Variants in TNIK observed in about 807,000 individuals in gnomAD.
The protein encoded by TNIK is TRAF2 and NCK interacting kinase.
In TNIK, 49 loss-of-function variants were observed where a neutral mutation model predicts 191.3. The ratio of observed to expected loss-of-function variants is 0.26; its 90% CI spans 0.20 to 0.32. TNIK has a LOEUF of 0.32. Ranked by LOEUF, TNIK falls within the 10% of genes least tolerant of loss-of-function variation. The probability of loss-of-function intolerance (pLI) is 1.00; values close to 1 mark genes in which losing one functional copy is unlikely to be tolerated. For missense variants in TNIK, 1,155 were observed against 1,702.3 expected (o/e 0.68, Z 5.66); for synonymous variants, 594 against 600.9 (o/e 0.99, Z 0.17).
intron 2 of TNIK, among the ~76,000 whole-genome samples, chr3:171,337,606 A>G (rs570547449): frequency 6.6e-6 from 1 of 152,350 alleles, no homozygotes; most frequent in Admixed American, 6.5e-5. Context: ...TTCCTTATCC[A>G]TAACGATAGA....
intron 1 of TNIK, among the ~76,000 whole-genome samples, chr3:171,393,262 G>A (rs866943720): frequency 2.6e-5 from 4 of 152,168 alleles, no homozygotes; most frequent in South Asian, 2.1e-4. Context: ...ACAATCTCGC[G>A]GTCAGTGCAG....
At chr3:171,227,946 T>G (rs1198563644) in intron 3 of TNIK, among the ~76,000 whole-genome samples, 1 of 152,198 alleles carries the variant, frequency 6.6e-6, no homozygotes, top group African/African-American at 2.4e-5. Context: ...AAATAGGCTT[T>G]GTGATAAATG....
chr3:171,106,506 A>ACT (rs1374300720), intron 21 of TNIK, among the ~76,000 whole-genome samples: 1 of 152,100 alleles, frequency 6.6e-6, no homozygotes, highest in Non-Finnish European at 1.5e-5. Flanking sequence ...TGCATTTAGG[A>ACT]CTCTTTGCAA....
chr3:171,138,297 A>G lies in TNIK; in HGVS notation c.1502T>C (p.Val501Ala), dbSNP rs1209888507. 1 of 1,613,372 alleles carries G rather than the reference A, an allele frequency of 6.2e-7. No individual in the cohort carries two copies. The highest frequency in any genetic ancestry group is 1.1e-5 in the South Asian group (1 of 90,986). Residue 501 changes from valine (V) to alanine (A), a missense_variant, in exon 15 of 33, where the codon GTT becomes GCT. Around this residue, in one of 3 missense-constraint regions of TNIK, gnomAD observed 735 missense variants for 848.0 expected, o/e 0.87. Coordinates refer to ENST00000436636, the MANE Select transcript of TNIK (RefSeq NM_015028.4). The part of the protein sequence containing the change: ...RQLKQERDYL[V>A]SLQHQRQEQR... ...CTCCTGCCGCTGATGCTGAAGGGAAACTAAGTAGTCTCTTTCTTGCTTTAG... is the reference window on the plus strand; with the variant it reads ...CTCCTGCCGCTGATGCTGAAGGGAAGCTAAGTAGTCTCTTTCTTGCTTTAG...
intron 2 of TNIK, among the ~76,000 whole-genome samples, chr3:171,368,658 T>C (rs1327359653): frequency 6.6e-6 from 1 of 152,178 alleles, no homozygotes; most frequent in Non-Finnish European, 1.5e-5. Flanking sequence ...AATAATACTT[T>C]TGACATTCTG....
At chr3:171,150,717 G>A (rs1348062464) in intron 12 of TNIK, among the ~76,000 whole-genome samples, 6 of 152,150 alleles carry the variant, frequency 3.9e-5, no homozygotes, top group Admixed American at 6.5e-5. Context: ...CAAGAAATCC[G>A]CAAAAGGACA....
At chr3:171,431,388 CT>C (rs1163144954) in intron 1 of TNIK, among the ~76,000 whole-genome samples, 1 of 151,958 alleles carries the variant, frequency 6.6e-6, no homozygotes, top group Non-Finnish European at 1.5e-5. Context: ...CAAGTACATT[CT>C]TTTTAATATA....
chr3:171,262,044 C>T (rs1186803966), intron 2 of TNIK, among the ~76,000 whole-genome samples: 1 of 152,126 alleles, frequency 6.6e-6, no homozygotes, highest in Non-Finnish European at 1.5e-5. Context: ...TGGTTAGCCA[C>T]TCTGGGGGTC....
At chr3:171,288,337 A>G (rs953319924) in intron 2 of TNIK, among the ~76,000 whole-genome samples, 10 of 138,708 alleles carry the variant, frequency 7.2e-5, no homozygotes, top group African/African-American at 2.7e-4. Context: ...AAAAAAAAAG[A>G]AAATATTTGG....
chr3:171,076,918 CTCTT>C (rs1192388878), intron 28 of TNIK, among the ~76,000 whole-genome samples: 1 of 151,530 alleles, frequency 6.6e-6, no homozygotes, highest in African/African-American at 2.4e-5. Context: ...CTAGCTTCTT[CTCTT>C]TCTTATGCAT....
At chr3:171,178,002 T>C (rs1250197551) in intron 7 of TNIK, among the ~76,000 whole-genome samples, 2 of 152,248 alleles carry the variant, frequency 1.3e-5, no homozygotes, top group Non-Finnish European at 2.9e-5. Flanking sequence ...GAATAGTGTT[T>C]CTGAAGTCCA....
intron 12 of TNIK, among the ~76,000 whole-genome samples, chr3:171,143,461 C>CGG (rs1272256406): frequency 1.3e-5 from 2 of 152,184 alleles, no homozygotes; most frequent in Non-Finnish European, 2.9e-5. Context: ...ACCCCTCAGA[C>CGG]GGGGGCCTGG....
intron 2 of TNIK, among the ~76,000 whole-genome samples, chr3:171,229,683 C>CT (rs1305523679): frequency 1.3e-5 from 2 of 152,174 alleles, no homozygotes; most frequent in East Asian, 3.8e-4. Context: ...TGTCCTCTTT[C>CT]TTCTCACATA....
intron 11 of TNIK, among the ~76,000 whole-genome samples, chr3:171,161,033 C>T (rs750981523): frequency 7.9e-5 from 12 of 152,274 alleles, no homozygotes; most frequent in East Asian, 5.8e-4. Context: ...CAAGCTCTTA[C>T]GATAGAGACC....
At chr3:171,243,552 G>A (rs755487413) in intron 2 of TNIK, among the ~76,000 whole-genome samples, 2 of 151,996 alleles carry the variant, frequency 1.3e-5, no homozygotes, top group Non-Finnish European at 2.9e-5. Context: ...TGGTAGCCCT[G>A]TTAATTAAAA....
chr3:171,357,780 G>A (rs535807624), intron 2 of TNIK, among the ~76,000 whole-genome samples: 2 of 152,172 alleles, frequency 1.3e-5, no homozygotes, highest in Non-Finnish European at 2.9e-5. Flanking sequence ...TAGCCAACAG[G>A]GGGTGAGGAA....
chr3:171,138,073 T>A, intron 15 of TNIK, 118 bp downstream of exon 15: 1 of 934,944 alleles, frequency 1.1e-6, no homozygotes, highest in South Asian at 3.9e-5. Flanking sequence ...AAAGCATGTG[T>A]CTTATGATGA....
At chr3:171,126,267 TAG>T (rs370845595) in intron 16 of TNIK, 116 bp from the exon 17 acceptor site, 2 of 1,313,752 alleles carry the variant, frequency 1.5e-6, no homozygotes, top group Non-Finnish European at 2.0e-6. Flanking sequence ...AATTGGACTA[TAG>T]AGAGTCTATC....
At chr3:171,195,939 C>T (rs1333890171) in intron 4 of TNIK, among the ~76,000 whole-genome samples, 1 of 152,192 alleles carries the variant, frequency 6.6e-6, no homozygotes. Context: ...TTTCAAGAGA[C>T]TCCCAGTGGT....
Sources: gnomAD v4.1 joint callset for allele counts (sites outside exome capture counted in the v4.1 genomes callset) on GRCh38, gnomAD v4.1.1 for gene constraint, gnomAD v4.1.1 regional missense constraint, MANE v1.5 for transcripts, NCBI Gene and HGNC (gene_info 2026-07-23, HGNC 2026-07-21) for gene names.